The following MARCHF11 variants were observed in gnomAD, a reference collection of about 807,000 sequenced individuals.
The protein encoded by MARCHF11 is E3 ubiquitin-protein ligase MARCHF11.
A neutral mutation model predicts 37.3 loss-of-function variants in MARCHF11; 29 were observed. The ratio of observed to expected loss-of-function variants is 0.78; its 90% CI spans 0.58 to 1.06. The LOEUF (loss-of-function observed/expected upper bound fraction) is 1.06, where lower values mean the gene tolerates loss of function less well. Among genes scored for constraint, MARCHF11 ranks in the 50% least tolerant of loss-of-function variants. The pLI is 0.00. For synonymous variants in MARCHF11, 233 were observed against 228.0 expected (o/e 1.02, Z -0.20); for missense variants, 482 against 533.4 (o/e 0.90, Z 0.95).
chr5:16,069,878 C>T (rs1423132426), intron 3 of MARCHF11, among the ~76,000 whole-genome samples: 1 of 152,086 alleles, frequency 6.6e-6, no homozygotes, highest in African/African-American at 2.4e-5. Context: ...AAAAATGACA[C>T]CTACCTGATG....
In MARCHF11 at chr5:16,067,697, G is replaced by C. The variant is rs375274748; in HGVS notation, c.983C>G (p.Thr328Arg). The change falls in exon 4 of 4, where the codon ACA becomes AGA. Residue 328 changes from threonine to arginine, a missense_variant. Coordinates refer to ENST00000332432, the MANE Select transcript of MARCHF11 (RefSeq NM_001102562.3). ...TCCCCGGCTGCTTTCTTCGATGTCT[G>C]TGGCTTTGTCATAATTTAACACATC... ...HWDVLNYDKA[T>R]DIEESSRGES... 13 of 1,613,832 alleles carry C rather than the reference G, an allele frequency of 8.1e-6. No homozygotes were observed. The highest frequency in any genetic ancestry group is 1.0e-5 in the Non-Finnish European group (12 of 1,179,874).
At chr5:16,131,950 C>A (rs564005463) in intron 2 of MARCHF11, among the ~76,000 whole-genome samples, 1 of 152,144 alleles carries the variant, frequency 6.6e-6, no homozygotes, top group Non-Finnish European at 1.5e-5. Context: ...AGTTCACTAA[C>A]GTAGAAAGAA....
At chr5:16,072,709 C>T in intron 3 of MARCHF11, among the ~76,000 whole-genome samples, 1 of 152,136 alleles carries the variant, frequency 6.6e-6, no homozygotes. Context: ...GAACAGCACA[C>T]AGAGTTTTGC....
At chr5:16,169,952 C>G (rs1419990083) in intron 2 of MARCHF11, among the ~76,000 whole-genome samples, 1 of 152,082 alleles carries the variant, frequency 6.6e-6, no homozygotes, top group East Asian at 1.9e-4. Context: ...TCAGTCACAT[C>G]ACAGCACAGC....
At chr5:16,162,859 A>G (rs1738104551) in intron 2 of MARCHF11, among the ~76,000 whole-genome samples, 1 of 152,078 alleles carries the variant, frequency 6.6e-6, no homozygotes, top group South Asian at 2.1e-4. Context: ...TCAAGAATCA[A>G]TAAGAGACCA....
In MARCHF11 at chr5:16,177,746, T is replaced by C; in HGVS notation, c.673A>G (p.Lys225Glu). The change falls in exon 2 of 4, where the codon AAA becomes GAA. Residue 225 changes from lysine (K) to glutamate (E), a missense_variant. Lys to Glu is a moderately conservative substitution (Grantham distance 56). Coordinates refer to ENST00000332432, the MANE Select transcript of MARCHF11 (RefSeq NM_001102562.3). Reference protein sequence around the residue: ...CCYRYHVIAIKMKQPCQWQSI... With the variant: ...CCYRYHVIAIEMKQPCQWQSI... Reference sequence around the variant, plus strand: ...CTTACCTGGCAAGGTTGTTTCATTTTAATGGCTATAACATGGTATCTATAA... The same window carrying C: ...CTTACCTGGCAAGGTTGTTTCATTTCAATGGCTATAACATGGTATCTATAA... 1 of 1,602,870 alleles carries C rather than the reference T, an allele frequency of 6.2e-7. No individual in the cohort carries two copies. The highest frequency in any genetic ancestry group is 8.5e-7 in the Non-Finnish European group (1 of 1,176,510).
rs1003714041 is a variant in MARCHF11 at position 16,170,164 on chromosome 5, C to T, written c.693+7562G>A. Among the ~76,000 whole-genome samples, 4 of 152,094 alleles carry T rather than the reference C, an allele frequency of 2.6e-5. No individual in the cohort carries two copies. The South Asian group carries it at 6.2e-4, about 24-fold the overall frequency. Reference sequence around the variant, plus strand: ...ACACCAAAAATTTATATCCAGTAGACGCTCTTAGCAGCTCATCTATATCCA... The same window carrying T: ...ACACCAAAAATTTATATCCAGTAGATGCTCTTAGCAGCTCATCTATATCCA... On this transcript the variant is annotated intron_variant, in intron 2 of 3. Transcript: ENST00000332432.
At chr5:16,178,912 G>A in intron 1 of MARCHF11, 127 bp downstream of exon 1, 2 of 1,185,446 alleles carry the variant, frequency 1.7e-6, no homozygotes, top group South Asian at 2.1e-5. Flanking sequence ...GCGCTCACAG[G>A]GCAGAACCAG....
At chr5:16,165,336 A>C (rs562322478) in intron 2 of MARCHF11, among the ~76,000 whole-genome samples, 1 of 152,068 alleles carries the variant, frequency 6.6e-6, no homozygotes, top group Non-Finnish European at 1.5e-5. Flanking sequence ...CTCTGAACCC[A>C]GTTCCCCTAT....
chr5:16,141,887 A>G (rs344702), intron 2 of MARCHF11, among the ~76,000 whole-genome samples: 127,515 of 152,172 alleles, frequency 0.84, 53,603 homozygotes, highest in Middle Eastern at 0.88. Context: ...TCACGGCATG[A>G]GGACCCCCTC....
intron 2 of MARCHF11, among the ~76,000 whole-genome samples, chr5:16,134,996 T>A (rs951984281): frequency 4.1e-5 from 5 of 121,172 alleles, no homozygotes; most frequent in Non-Finnish European, 8.9e-5. Flanking sequence ...TCTCTCTCTC[T>A]CTCACACACA....
intron 3 of MARCHF11, among the ~76,000 whole-genome samples, chr5:16,072,907 T>C (rs375881485): frequency 1.3e-5 from 2 of 152,118 alleles, no homozygotes; most frequent in Non-Finnish European, 2.9e-5. Context: ...CCTAGAGGTA[T>C]AATAATGTCA....
At chr5:16,111,330 A>G (rs977064203) in intron 2 of MARCHF11, among the ~76,000 whole-genome samples, 2 of 152,246 alleles carry the variant, frequency 1.3e-5, no homozygotes, top group Non-Finnish European at 2.9e-5. Context: ...TAAAATGCCA[A>G]CAATGATATA....
At chr5:16,152,177 T>C (rs1468100200) in intron 2 of MARCHF11, among the ~76,000 whole-genome samples, 1 of 151,996 alleles carries the variant, frequency 6.6e-6, no homozygotes, top group Non-Finnish European at 1.5e-5. Context: ...ATGCATTTTT[T>C]TGTATCTCTC....
At chr5:16,079,143 A>G (rs528253903) in intron 3 of MARCHF11, among the ~76,000 whole-genome samples, 1 of 152,172 alleles carries the variant, frequency 6.6e-6, no homozygotes, top group African/African-American at 2.4e-5. Flanking sequence ...TTGGCCTAAC[A>G]TACACAACCT....
chr5:16,164,997 A>G (rs914617626), intron 2 of MARCHF11, among the ~76,000 whole-genome samples: 5 of 152,106 alleles, frequency 3.3e-5, no homozygotes, highest in African/African-American at 9.6e-5. Context: ...TGAAACTCCA[A>G]TTCCTCATGA....
At position 16,179,412 on chromosome 5, in the gene MARCHF11, G is replaced by C; in HGVS notation, c.164C>G (p.Ser55Cys). Residue 55 changes from serine to cysteine, a missense_variant, in exon 1 of 4, where the codon TCC (serine) becomes TGC (cysteine). Transcript: ENST00000332432. ...CGCGGCGCGCTCGGGGGTCTCGGGG[G>C]ACGCGGGCAGCGGCGGCAGGTAGCG... is the stretch of plus-strand genomic sequence containing the variant. Reference protein sequence around the residue: ...APRYLPPLPASPETPERAAGP... With the variant: ...APRYLPPLPACPETPERAAGP... The C allele has an allele frequency of 8.8e-7, 1 of 1,131,266 alleles. No individual in the cohort carries two copies. Among genetic ancestry groups the C allele is most frequent in the Non-Finnish European group, 1.1e-6 (1 of 924,426 alleles). 70.1% of individuals were successfully genotyped at this position (1,131,266 alleles called of 1,614,324 possible). A position where few individuals can be genotyped will look rare whatever the true frequency, so the allele number is the denominator to read the frequency against.
At position 16,179,305 on chromosome 5, in the gene MARCHF11, G is replaced by A; in HGVS notation, c.271C>T (p.Pro91Ser). ...GCCGCCGCCACTTCCTGGCCGGCGGGCTGCAGGGGCAGGGGCGGAGGCGGC... is the reference window on the plus strand; with the variant it reads ...GCCGCCGCCACTTCCTGGCCGGCGGACTGCAGGGGCAGGGGCGGAGGCGGC... Reference protein sequence around the residue: ...ELPPPPLPLQPAGQEVAAAGD... With the variant: ...ELPPPPLPLQSAGQEVAAAGD... Residue 91 changes from proline to serine, a missense_variant, in exon 1 of 4, where the codon CCC (proline) becomes TCC (serine). Pro to Ser is a moderately conservative substitution (Grantham distance 74). Transcript: ENST00000332432. The A allele has an allele frequency of 1.6e-6, 2 of 1,268,106 alleles. No homozygotes were observed. The highest frequency in any genetic ancestry group is 2.4e-5 in the South Asian group (1 of 41,504). 78.6% of individuals were successfully genotyped at this position (1,268,106 alleles called of 1,614,324 possible). A position where few individuals can be genotyped will look rare whatever the true frequency, so the allele number is the denominator to read the frequency against.
At chr5:16,132,303 T>C (rs1468184400) in intron 2 of MARCHF11, among the ~76,000 whole-genome samples, 1 of 152,208 alleles carries the variant, frequency 6.6e-6, no homozygotes, top group Non-Finnish European at 1.5e-5. Context: ...TTCCTTTTCG[T>C]CTGATCTCAT....
Sources: gnomAD v4.1 joint callset for allele counts (sites outside exome capture counted in the v4.1 genomes callset) on GRCh38, gnomAD v4.1.1 for gene constraint, MANE v1.5 for transcripts, NCBI Gene and HGNC (gene_info 2026-07-23, HGNC 2026-07-21) for gene names.